Variants in COPB2 observed in about 807,000 individuals in gnomAD.
The protein encoded by COPB2 is coatomer subunit beta'.
COPB2 carries 16 observed loss-of-function variants against 120.8 expected under a neutral mutation model. That is an observed-to-expected ratio of 0.13 (90% CI 0.09 to 0.20). The LOEUF is 0.20. COPB2 is among the 10% of genes least tolerant of loss of function. The probability of loss-of-function intolerance (pLI) is 1.00; values close to 1 mark genes in which losing one functional copy is unlikely to be tolerated. For synonymous variants in COPB2, 332 were observed against 366.3 expected (o/e 0.91, Z 1.07); for missense variants, 794 against 1,076.5 (o/e 0.74, Z 3.67).
chr3:139,362,297 G>A (rs1296542896), intron 16 of COPB2, 110 bp downstream of exon 16: 1 of 550,976 alleles, frequency 1.8e-6, no homozygotes, highest in African/African-American at 1.9e-5. Context: ...AACAAAATGA[G>A]CCACTAATTT....
chr3:139,377,955 A>C (rs1941745455), intron 5 of COPB2, 86 bp downstream of exon 5: 1 of 1,264,806 alleles, frequency 7.9e-7, no homozygotes, highest in Non-Finnish European at 1.0e-6. Flanking sequence ...TAAGATGGGT[A>C]CATTTCTGAC....
intron 10 of COPB2, 28 bp downstream of exon 10, chr3:139,371,695 T>C: frequency 6.3e-7 from 1 of 1,580,084 alleles, no homozygotes; most frequent in Admixed American, 1.7e-5. Context: ...AATCAGGGCA[T>C]GCTGGCTATC....
intron 9 of COPB2, among the ~76,000 whole-genome samples, chr3:139,372,199 C>T (rs546095276): frequency 1.3e-5 from 2 of 152,346 alleles, no homozygotes; most frequent in Admixed American, 1.3e-4. Context: ...GAACTTTGCT[C>T]ATGACATTTA....
At chr3:139,377,213 TA>T in intron 5 of COPB2, among the ~76,000 whole-genome samples, 1 of 152,050 alleles carries the variant, frequency 6.6e-6, no homozygotes. Flanking sequence ...TTTCAGGGGA[TA>T]AAGATTTCCA....
rs1941365122 is a variant in COPB2 at position 139,359,294 on chromosome 3, G to T, written c.2279C>A (p.Thr760Asn). ...RLPEAAFLAR[T>N]YLPSQVSRVV... ...CCTTGAAACCTGACTGGGTAAGTAA[G>T]TTCGGGCCAAGAAGGCAGCTTCTGG... Residue 760 changes from threonine to asparagine, a missense_variant, in exon 18 of 22, where the codon ACT becomes AAT. Coordinates refer to ENST00000333188, the MANE Select transcript of COPB2 (RefSeq NM_004766.3). 6.2e-7 allele frequency: 1 copy of T among 1,614,050 alleles called. No individual in the cohort carries two copies. The highest frequency in any genetic ancestry group is 2.2e-5 in the East Asian group (1 of 44,900).
In COPB2 at chr3:139,379,008, C is replaced by T. The variant is rs1009914692; in HGVS notation, c.355+39G>A. The T allele has an allele frequency of 3.9e-6, 6 of 1,530,674 alleles. No homozygotes were observed. The African/African-American group carries it at 8.4e-5, about 21-fold the overall frequency. The allele number at this position is 1,530,674 out of a possible 1,614,324, so 94.8% of individuals were successfully genotyped here. ...GTCTCAGTGAATGAAAATGAATTAC[C>T]CAAAGAGACGCACATGACCAAAAAA... On this transcript the variant is annotated intron_variant, in intron 4 of 21. Coordinates refer to ENST00000333188, the MANE Select transcript of COPB2 (RefSeq NM_004766.3).
At chr3:139,377,989 G>A (rs887969986) in intron 5 of COPB2, 52 bp downstream of exon 5, 56 of 1,447,678 alleles carry the variant, frequency 3.9e-5, no homozygotes, top group Non-Finnish European at 2.8e-6. Flanking sequence ...AACACCTAAG[G>A]CAAGTATAGT....
chr3:139,373,165 T>C, intron 9 of COPB2, 48 bp downstream of exon 9: 1 of 1,577,512 alleles, frequency 6.3e-7, no homozygotes, highest in Non-Finnish European at 8.7e-7. Context: ...TCTGCAAACC[T>C]GTTCTAACAT....
At chr3:139,360,024 C>T (rs1560012192) in intron 17 of COPB2, among the ~76,000 whole-genome samples, 1 of 152,062 alleles carries the variant, frequency 6.6e-6, no homozygotes, top group Admixed American at 6.6e-5. Flanking sequence ...AGCAGTTCAG[C>T]TCAGGTCTTG....
At chr3:139,371,449 C>T (rs1361312003) in intron 10 of COPB2, among the ~76,000 whole-genome samples, 1 of 152,126 alleles carries the variant, frequency 6.6e-6, no homozygotes, top group Non-Finnish European at 1.5e-5. Flanking sequence ...CAGGTCCTGC[C>T]ATGGGCTCCA....
At position 139,367,002 on chromosome 3, in the gene COPB2, G is replaced by A. The variant is rs1383444322; in HGVS notation, c.1676+13C>T. 6.3e-7 allele frequency: 1 copy of A among 1,596,094 alleles called. No homozygotes were observed. Among genetic ancestry groups the A allele is most frequent in the African/African-American group, 1.4e-5 (1 of 73,788 alleles). On this transcript the variant is annotated intron_variant, in intron 14 of 21. Coordinates refer to ENST00000333188, the MANE Select transcript of COPB2 (RefSeq NM_004766.3). ...TTAAAATTTAGGACAAATGCAAAATGATACTCAGGTACCTGTCCAAGTGGG... is the reference window on the plus strand; with the variant it reads ...TTAAAATTTAGGACAAATGCAAAATAATACTCAGGTACCTGTCCAAGTGGG...
At chr3:139,366,988 G>A in intron 14 of COPB2, 27 bp downstream of exon 14, 2 of 1,591,446 alleles carry the variant, frequency 1.3e-6, no homozygotes, top group Non-Finnish European at 1.7e-6. Context: ...TAAAATTTAG[G>A]ACAAATGCAA....
chr3:139,364,295 C>T (rs1181090530), intron 15 of COPB2, among the ~76,000 whole-genome samples: 1 of 152,044 alleles, frequency 6.6e-6, no homozygotes, highest in East Asian at 1.9e-4. Context: ...ATCCGCTCCC[C>T]TCTCCCACCT....
chr3:139,360,887 A>G (rs1941406430), intron 17 of COPB2, among the ~76,000 whole-genome samples, 194 bp downstream of exon 17: 1 of 152,172 alleles, frequency 6.6e-6, no homozygotes, highest in Non-Finnish European at 1.5e-5. Context: ...TAGCTCAAAC[A>G]TTTAGATAGA....
At chr3:139,369,907 A>T (rs1291602547) in intron 10 of COPB2, among the ~76,000 whole-genome samples, 1 of 152,242 alleles carries the variant, frequency 6.6e-6, no homozygotes, top group Non-Finnish European at 1.5e-5. Flanking sequence ...AAGAATATGG[A>T]TGAATCTCAA....
In COPB2 at chr3:139,368,121, C is replaced by T. The variant is rs368949046; in HGVS notation, c.1545+24G>A. 1.2e-4 allele frequency: 186 copies of T among 1,596,392 alleles called. 1 individual carries two copies. Among genetic ancestry groups the T allele is most frequent in the Middle Eastern group, 3.3e-4 (2 of 5,978 alleles). Reference sequence around the variant, plus strand: ...AATCATTTAAAAACAAAGCTGAAAGCGAAAGTTGTGCTGATGCAATTACCT... The same window carrying T: ...AATCATTTAAAAACAAAGCTGAAAGTGAAAGTTGTGCTGATGCAATTACCT... On this transcript the variant is annotated intron_variant, in intron 13 of 21. Coordinates refer to ENST00000333188, the MANE Select transcript of COPB2 (RefSeq NM_004766.3).
chr3:139,362,373 C>T, intron 16 of COPB2, 34 bp downstream of exon 16: 1 of 1,477,404 alleles, frequency 6.8e-7, no homozygotes, highest in Non-Finnish European at 9.4e-7. Flanking sequence ...CTGACTTTTC[C>T]ATCAGTTATG....
intron 15 of COPB2, among the ~76,000 whole-genome samples, chr3:139,364,396 G>C (rs2107798817): frequency 6.6e-6 from 1 of 152,234 alleles, no homozygotes; most frequent in South Asian, 2.1e-4. Flanking sequence ...CAGACCAGGA[G>C]ATTCCAAGCA....
intron 12 of COPB2, 102 bp from the exon 13 acceptor site, chr3:139,368,390 G>A (rs1456118654): frequency 8.1e-7 from 1 of 1,241,988 alleles, no homozygotes; most frequent in Non-Finnish European, 1.1e-6. Context: ...CTTATATCAA[G>A]ATGATAAGTA....
Sources: gnomAD v4.1 joint callset for allele counts (sites outside exome capture counted in the v4.1 genomes callset) on GRCh38, gnomAD v4.1.1 for gene constraint, MANE v1.5 for transcripts, NCBI Gene and HGNC (gene_info 2026-07-23, HGNC 2026-07-21) for gene names.